Variants in HDGFL3 observed in about 807,000 individuals in gnomAD.
HDGFL3 encodes the protein HDGF like 3, also known as hepatoma-derived growth factor-related protein 3.
Under a neutral mutation model 27.6 loss-of-function variants are expected in HDGFL3, and 6 were observed. The observed-to-expected ratio is 0.22, with a 90% CI of 0.12 to 0.43. The LOEUF is 0.43. HDGFL3 is among the 20% of genes least tolerant of loss of function. The pLI is 1.00. For synonymous variants in HDGFL3, 88 were observed against 88.9 expected, an observed-to-expected ratio of 0.99 and a Z score of 0.05; for missense variants, 207 against 250.1, an observed-to-expected ratio of 0.83 and a Z score of 1.16.
exon 4 of HDGFL3, chr15:83,114,663 C>T (rs909003498): frequency 2.6e-5 from 4 of 152,530 alleles, no homozygotes; most frequent in African/African-American, 9.6e-5. Flanking sequence ...AATTAACCAT[C>T]CCCACACTCC....
Position 83,112,924 on chromosome 15 carries a change from T to C in HDGFL3, c.*2785A>G, listed in dbSNP as rs564400844. The C allele has an allele frequency of 2.0e-6, 3 of 1,527,822 alleles. No individual in the cohort carries two copies. The African/African-American group carries it at 4.1e-5, about 21-fold the overall frequency. 94.6% of individuals were successfully genotyped at this position (1,527,822 alleles called of 1,614,324 possible). On this transcript the variant is annotated 3_prime_UTR_variant, in exon 4 of 4. Transcript: ENST00000568294. ...TGGTACGTCTCCACAAAGGGAAATC[T>C]TTTGTATCTGATTAATAACACAATA...
chr15:83,168,098 C>A (rs1454234077), intron 1 of HDGFL3, among the ~76,000 whole-genome samples: 1 of 152,138 alleles, frequency 6.6e-6, no homozygotes, highest in Non-Finnish European at 1.5e-5. Flanking sequence ...TAAAATAATT[C>A]TTTGAAATAA....
At position 83,135,059 on chromosome 15, in the gene HDGFL3, A is replaced by C. The variant is rs1202368163; in HGVS notation, c.*4211T>G. 1 of 152,216 alleles carries C rather than the reference A, an allele frequency of 6.6e-6. No individual in the cohort carries two copies. The highest frequency in any genetic ancestry group is 2.4e-5 in the African/African-American group (1 of 41,452). The allele number at this position is 152,216 out of a possible 1,614,324, so 9.4% of individuals were successfully genotyped here. A position where few individuals can be genotyped will look rare whatever the true frequency, so the allele number is the denominator to read the frequency against. ...GAGTCCTCTCAGTGCCTCATGGATC[A>C]CAATGTAGACAATCCACGTGCTGGT... On this transcript the variant is annotated 3_prime_UTR_variant, in exon 6 of 6. Transcript: ENST00000299633.
At chr15:83,162,514 C>T (rs2037114516) in intron 2 of HDGFL3, among the ~76,000 whole-genome samples, 1 of 152,054 alleles carries the variant, frequency 6.6e-6, no homozygotes, top group Non-Finnish European at 1.5e-5. Context: ...CATCATAAAG[C>T]CCTATACATT....
At chr15:83,119,820 C>T (rs926632702) in intron 3 of HDGFL3, 29 of 1,395,174 alleles carry the variant, frequency 2.1e-5, no homozygotes, top group South Asian at 1.5e-4. Context: ...GCACGTCAGA[C>T]GTGGCTTTAT....
At chr15:83,144,242 A>G (rs1432052569) in intron 5 of HDGFL3, among the ~76,000 whole-genome samples, 1 of 152,152 alleles carries the variant, frequency 6.6e-6, no homozygotes, top group East Asian at 1.9e-4. Flanking sequence ...GGAGAACCTG[A>G]ATGGTGTGAG....
At chr15:83,206,918 G>C (rs956826344) in intron 1 of HDGFL3, among the ~76,000 whole-genome samples, 1 of 152,128 alleles carries the variant, frequency 6.6e-6, no homozygotes, top group Admixed American at 6.5e-5. Flanking sequence ...GCCGGCTCGC[G>C]GACAGCCGCT....
chr15:83,165,786 A>C (rs1428809771), intron 1 of HDGFL3, among the ~76,000 whole-genome samples: 7 of 138,734 alleles, frequency 5.0e-5, no homozygotes, highest in African/African-American at 1.9e-4. Context: ...CAGAGCAAGA[A>C]TCCATCTCAA....
intron 2 of HDGFL3, among the ~76,000 whole-genome samples, chr15:83,160,656 G>C (rs1013558644): frequency 2.0e-5 from 3 of 152,176 alleles, no homozygotes; most frequent in African/African-American, 7.2e-5. Context: ...GAGGACTCTG[G>C]AGTAGAGGGG....
intron 4 of HDGFL3, among the ~76,000 whole-genome samples, chr15:83,155,295 C>T (rs2037014741): frequency 6.6e-6 from 1 of 152,180 alleles, no homozygotes; most frequent in Non-Finnish European, 1.5e-5. Context: ...AATTTTAAGT[C>T]CACCCAGGTG....
intron 1 of HDGFL3, among the ~76,000 whole-genome samples, chr15:83,202,329 C>T (rs2037657617): frequency 6.6e-6 from 1 of 151,980 alleles, no homozygotes; most frequent in Non-Finnish European, 1.5e-5. Flanking sequence ...TATTCTTATG[C>T]TTTACAAAGT....
intron 1 of HDGFL3, among the ~76,000 whole-genome samples, chr15:83,170,372 CAT>C (rs527375684): frequency 4.7e-4 from 71 of 152,254 alleles, no homozygotes; most frequent in African/African-American, 1.7e-3. Context: ...AAAACAGACA[CAT>C]AGACCAATAG....
At chr15:83,202,878 A>G (rs1276667445) in intron 1 of HDGFL3, among the ~76,000 whole-genome samples, 2 of 152,100 alleles carry the variant, frequency 1.3e-5, no homozygotes, top group Admixed American at 6.5e-5. Flanking sequence ...CTATGTGAAT[A>G]TACTACAAAT....
intron 3 of HDGFL3, among the ~76,000 whole-genome samples, chr15:83,121,550 A>C (rs928618542): frequency 6.6e-6 from 1 of 152,220 alleles, no homozygotes; most frequent in Non-Finnish European, 1.5e-5. Flanking sequence ...CATACTTATA[A>C]TGATTAAAAA....
chr15:83,113,063 T>C (rs2034337118), exon 4 of HDGFL3: 6 of 644,108 alleles, frequency 9.3e-6, no homozygotes, highest in Admixed American at 4.9e-5. Context: ...CCTCTGGCTA[T>C]TGCCTCTCAG....
chr15:83,136,750 C>CACGTATGAGAAGAGAGTGAAA lies in HDGFL3; in HGVS notation c.*2519_*2520insTTTCACTCTCTTCTCATACGT. On this transcript the variant is annotated 3_prime_UTR_variant, in exon 6 of 6. Transcript: ENST00000299633. ...TACTGATATTTTGTCCCATTTCACT[C>CACGTATGAGAAGAGAGTGAAA]TCTTCTCATACGTGAGTACTTAAGA... is the stretch of plus-strand genomic sequence containing the variant. 2 of 1,233,438 alleles carry CACGTATGAGAAGAGAGTGAAA rather than the reference C, an allele frequency of 1.6e-6. No individual in the cohort carries two copies. Among genetic ancestry groups the CACGTATGAGAAGAGAGTGAAA allele is most frequent in the Non-Finnish European group, 2.3e-6 (2 of 875,374 alleles). 76.4% of individuals were successfully genotyped at this position (1,233,438 alleles called of 1,614,324 possible).
chr15:83,124,991 T>G (rs1233064303), downstream of HDGFL3, among the ~76,000 whole-genome samples: 1 of 152,202 alleles, frequency 6.6e-6, no homozygotes, highest in Non-Finnish European at 1.5e-5. Context: ...GATCAAGCTC[T>G]ACTCAGAAGC....
chr15:83,145,753 G>A (rs566768404), intron 5 of HDGFL3, among the ~76,000 whole-genome samples: 1 of 151,760 alleles, frequency 6.6e-6, no homozygotes, highest in Admixed American at 6.6e-5. Context: ...TATCCACATA[G>A]ATTATCTTTC....
intron 4 of HDGFL3, 56 bp from the exon 5 acceptor site, chr15:83,151,417 A>T (rs568557795): frequency 6.9e-7 from 1 of 1,456,096 alleles, no homozygotes; most frequent in Non-Finnish European, 9.4e-7. Flanking sequence ...CAAATGTACA[A>T]GTAAGAGATG....
Sources: allele counts gnomAD v4.1 joint callset (sites outside exome capture counted in the v4.1 genomes callset), GRCh38; gene constraint gnomAD v4.1.1; transcripts MANE v1.5; gene names NCBI Gene and HGNC (gene_info 2026-07-23, HGNC 2026-07-21).